The following SHISA6 variants were observed in gnomAD, a reference collection of about 807,000 sequenced individuals.
SHISA6 encodes shisa family member 6.
A neutral mutation model predicts 47.9 loss-of-function variants in SHISA6; 22 were observed. The observed-to-expected ratio is 0.46, with a 90% CI of 0.33 to 0.66. The LOEUF is 0.66. Among genes scored for constraint, SHISA6 ranks in the 30% least tolerant of loss-of-function variants. The pLI is 0.02. For missense variants in SHISA6, 680 were observed against 764.6 expected (o/e 0.89, Z 1.30); for synonymous variants, 388 against 337.8 (o/e 1.15, Z -1.63).
chr17:11,303,921 C>G (rs935937662), intron 2 of SHISA6, among the ~76,000 whole-genome samples: 1 of 152,140 alleles, frequency 6.6e-6, no homozygotes, highest in African/African-American at 2.4e-5. Flanking sequence ...AGTGGAAGGG[C>G]AGGTGCCCGA....
intron 2 of SHISA6, among the ~76,000 whole-genome samples, chr17:11,282,798 A>T (rs775513493): frequency 1.3e-5 from 2 of 152,158 alleles, no homozygotes; most frequent in Non-Finnish European, 2.9e-5. Flanking sequence ...CCCAACCCAG[A>T]GGGGCAGCTG....
At chr17:11,350,186 T>TA (rs1555529941) in intron 2 of SHISA6, among the ~76,000 whole-genome samples, 4 of 114,772 alleles carry the variant, frequency 3.5e-5, no homozygotes, top group African/African-American at 1.4e-4. Context: ...TTATTTATTT[T>TA]TTTTTTTTTT....
intron 3 of SHISA6, among the ~76,000 whole-genome samples, chr17:11,444,402 C>T (rs1236968901): frequency 2.0e-5 from 3 of 151,850 alleles, no homozygotes; most frequent in Non-Finnish European, 4.4e-5. Context: ...ATGAAAACAC[C>T]CATAAGGAAT....
chr17:11,536,734 G>C (rs1378973067), intron 3 of SHISA6, among the ~76,000 whole-genome samples: 1 of 152,110 alleles, frequency 6.6e-6, no homozygotes, highest in Non-Finnish European at 1.5e-5. Flanking sequence ...CACATCTGGT[G>C]CTCACACCTG....
intron 2 of SHISA6, among the ~76,000 whole-genome samples, chr17:11,302,240 G>T (rs1172188083): frequency 6.6e-6 from 1 of 152,156 alleles, no homozygotes; most frequent in African/African-American, 2.4e-5. Flanking sequence ...TTTTCTGAAA[G>T]AATTCAAATT....
chr17:11,264,836 T>C (rs1186481841), intron 2 of SHISA6, among the ~76,000 whole-genome samples: 1 of 152,228 alleles, frequency 6.6e-6, no homozygotes, highest in African/African-American at 2.4e-5. Context: ...TCTTAAATCT[T>C]TTGAGAACCT....
In SHISA6 at chr17:11,311,149, G is replaced by A. The variant is rs1910320288; in HGVS notation, c.799+47623G>A. ...AAAAAAAAATTAGCCGGGTGTGGTG[G>A]CAGGCGCCTGTAGTTCCAGCTACTC... On this transcript the variant is annotated intron_variant, in intron 2 of 5. Transcript: ENST00000441885. 4.7e-5 allele frequency among the ~76,000 whole-genome samples: 7 copies of A among 150,116 alleles called. No individual in the cohort carries two copies. The South Asian group carries it at 1.5e-3, about 32-fold the overall frequency.
chr17:11,384,183 C>T (rs1567590813), intron 3 of SHISA6, among the ~76,000 whole-genome samples: 1 of 152,236 alleles, frequency 6.6e-6, no homozygotes, highest in African/African-American at 2.4e-5. Flanking sequence ...TATTCCCAAT[C>T]CAGGCCTGAT....
At chr17:11,289,570 A>G (rs1909444509) in intron 2 of SHISA6, 1 of 132,904 alleles carries the variant, frequency 7.5e-6, no homozygotes, top group Non-Finnish European at 1.6e-5. Context: ...ATATAAATAT[A>G]CATACAAATA....
chr17:11,464,395 G>A (rs1351217518), intron 3 of SHISA6, among the ~76,000 whole-genome samples: 1 of 152,190 alleles, frequency 6.6e-6, no homozygotes, highest in Non-Finnish European at 1.5e-5. Context: ...GGGGCTGGAG[G>A]CAGGAGGCTC....
chr17:11,521,725 C>G (rs897058017), intron 3 of SHISA6, among the ~76,000 whole-genome samples: 2 of 151,998 alleles, frequency 1.3e-5, no homozygotes, highest in African/African-American at 4.8e-5. Flanking sequence ...ATTTCTTGAA[C>G]CCAGGAGTTC....
chr17:11,422,526 C>T (rs1914477146), intron 3 of SHISA6, among the ~76,000 whole-genome samples: 3 of 152,072 alleles, frequency 2.0e-5, no homozygotes, highest in Admixed American at 6.6e-5. Flanking sequence ...CCAAGGCGGG[C>T]GGATCACCTG....
At chr17:11,304,302 C>T (rs1437591491) in intron 2 of SHISA6, among the ~76,000 whole-genome samples, 1 of 152,196 alleles carries the variant, frequency 6.6e-6, no homozygotes, top group Admixed American at 6.5e-5. Context: ...AAGATGTGAG[C>T]TTCACGAGCA....
intron 2 of SHISA6, among the ~76,000 whole-genome samples, chr17:11,376,759 C>G (rs1912815799): frequency 6.6e-6 from 1 of 152,164 alleles, no homozygotes; most frequent in Non-Finnish European, 1.5e-5. Context: ...ATCACTGGTC[C>G]AAACATAGTG....
rs2142396432 is a variant in SHISA6 at position 11,561,484 on chromosome 17, A to AT, written c.*3182dup. 1.3e-5 allele frequency: 2 copies of AT among 152,532 alleles called. No homozygotes were observed. Among genetic ancestry groups the AT allele is most frequent in the African/African-American group, 4.8e-5 (2 of 41,540 alleles). The allele number at this position is 152,532 out of a possible 1,614,324, so 9.4% of individuals were successfully genotyped here. A position where few individuals can be genotyped will look rare whatever the true frequency, so the allele number is the denominator to read the frequency against. On this transcript the variant is annotated 3_prime_UTR_variant, in exon 6 of 6. Transcript: ENST00000441885. ...CTGTGTCAAAAAGGCTTTGCCAAGA[A>AT]TTACTTCACCTCCTAACCAGGCTTC...
intron 3 of SHISA6, among the ~76,000 whole-genome samples, chr17:11,490,618 A>T (rs1161612270): frequency 2.0e-5 from 3 of 152,194 alleles, no homozygotes; most frequent in Non-Finnish European, 4.4e-5. Flanking sequence ...GGAGAAGTGC[A>T]GCCGGTGGTG....
chr17:11,252,456 C>T (rs1225768496), intron 1 of SHISA6, among the ~76,000 whole-genome samples: 1 of 152,180 alleles, frequency 6.6e-6, no homozygotes, highest in African/African-American at 2.4e-5. Flanking sequence ...CTTGCTGTTT[C>T]AGTGGGAGGA....
At chr17:11,552,675 C>T (rs1051358742) in intron 4 of SHISA6, among the ~76,000 whole-genome samples, 1 of 152,138 alleles carries the variant, frequency 6.6e-6, no homozygotes, top group African/African-American at 2.4e-5. Context: ...AATGATAAAT[C>T]CTACAGGCTA....
chr17:11,428,965 T>G (rs1376669202), intron 3 of SHISA6, among the ~76,000 whole-genome samples: 1 of 147,806 alleles, frequency 6.8e-6, no homozygotes, highest in Non-Finnish European at 1.5e-5. Context: ...TTTGTATTTT[T>G]AGTAGAAACG....
Sources: allele counts gnomAD v4.1 joint callset (sites outside exome capture counted in the v4.1 genomes callset), GRCh38; gene constraint gnomAD v4.1.1; transcripts MANE v1.5; gene names NCBI Gene and HGNC (gene_info 2026-07-23, HGNC 2026-07-21).